PPM1H: variants seen among roughly 807,000 people sequenced by gnomAD.
PPM1H encodes protein phosphatase, Mg2+/Mn2+ dependent 1H.
PPM1H carries 27 observed loss-of-function variants against 54.9 expected under a neutral mutation model. The ratio of observed to expected loss-of-function variants is 0.49; its 90% CI spans 0.36 to 0.68. PPM1H has a LOEUF of 0.68. PPM1H is among the 30% of genes least tolerant of loss of function. PPM1H has a pLI of 0.00. For synonymous variants in PPM1H, 305 were observed against 270.8 expected (o/e 1.13, Z -1.24); for missense variants, 596 against 667.8 (o/e 0.89, Z 1.19).
At chr12:62,859,306 T>TA (rs1260277385) in intron 1 of PPM1H, among the ~76,000 whole-genome samples, 1 of 152,220 alleles carries the variant, frequency 6.6e-6, no homozygotes, top group African/African-American at 2.4e-5. Context: ...AGGTGGATGT[T>TA]ACATTTTCAC....
chr12:62,932,628 C>CTTTTTGTTTTTTTTTTTT (rs1872177445), intron 1 of PPM1H, among the ~76,000 whole-genome samples: 1 of 54,012 alleles, frequency 1.9e-5, no homozygotes, highest in Non-Finnish European at 3.2e-5. Flanking sequence ...TCCAAATGGG[C>CTTTTTGTTTTTTTTTTTT]TTTTTTTTTT....
chr12:62,804,649 T>G (rs1435088536), intron 2 of PPM1H, among the ~76,000 whole-genome samples: 1 of 151,714 alleles, frequency 6.6e-6, no homozygotes, highest in Admixed American at 6.5e-5. Context: ...TTTTTAATGC[T>G]TCATTTTGGT....
intron 6 of PPM1H, among the ~76,000 whole-genome samples, 157 bp from the exon 7 acceptor site, chr12:62,694,156 T>C (rs954904341): frequency 3.3e-5 from 5 of 152,100 alleles, no homozygotes; most frequent in African/African-American, 1.2e-4. Flanking sequence ...CCCTACAGAA[T>C]TGTGTGTGTG....
chr12:62,680,495 C>T (rs1332754455), intron 8 of PPM1H, among the ~76,000 whole-genome samples: 1 of 152,074 alleles, frequency 6.6e-6, no homozygotes, highest in African/African-American at 2.4e-5. Context: ...ATTCTTAAAC[C>T]ACCCACTCTT....
chr12:62,724,178 C>T (rs1057245725), intron 5 of PPM1H, among the ~76,000 whole-genome samples: 2 of 152,206 alleles, frequency 1.3e-5, no homozygotes, highest in African/African-American at 4.8e-5. Flanking sequence ...CCTAAAAATA[C>T]AGTTTGCCCT....
intron 1 of PPM1H, among the ~76,000 whole-genome samples, chr12:62,845,232 T>C (rs1412741473): frequency 6.6e-6 from 1 of 152,204 alleles, no homozygotes; most frequent in Admixed American, 6.5e-5. Context: ...AGCCATGCAA[T>C]GAGTTACCTC....
intron 8 of PPM1H, among the ~76,000 whole-genome samples, chr12:62,688,483 G>A (rs542275130): frequency 1.3e-5 from 2 of 151,752 alleles, no homozygotes; most frequent in East Asian, 1.9e-4. Context: ...TAATACTATC[G>A]GTTAGACTTT....
chr12:62,773,214 C>T (rs1365036484), intron 4 of PPM1H, among the ~76,000 whole-genome samples: 1 of 152,174 alleles, frequency 6.6e-6, no homozygotes, highest in Non-Finnish European at 1.5e-5. Flanking sequence ...GTGGCTTAGG[C>T]CTGTAATTCC....
chr12:62,854,422 C>A (rs566448312), intron 1 of PPM1H, among the ~76,000 whole-genome samples: 1 of 152,208 alleles, frequency 6.6e-6, no homozygotes, highest in Admixed American at 6.5e-5. Context: ...ACAAGCTTTA[C>A]CCTTTTGCCT....
chr12:62,659,324 A>C (rs2075868950), intron 9 of PPM1H: 1 of 465,632 alleles, frequency 2.1e-6, no homozygotes, highest in African/African-American at 2.0e-5. Context: ...ATTCTGGCTC[A>C]TCCATAAAGC....
chr12:62,679,031 G>A (rs928067431), intron 8 of PPM1H, among the ~76,000 whole-genome samples: 2 of 152,120 alleles, frequency 1.3e-5, no homozygotes, highest in Non-Finnish European at 2.9e-5. Flanking sequence ...TCTGTCGCCA[G>A]GCTGGAATGC....
At chr12:62,655,154 T>A (rs186890903) in intron 9 of PPM1H, among the ~76,000 whole-genome samples, 1 of 152,168 alleles carries the variant, frequency 6.6e-6, no homozygotes, top group South Asian at 2.1e-4. Flanking sequence ...ATGAAGTCAC[T>A]CGCAGGAGCT....
At chr12:62,766,732 T>C (rs1362044713) in intron 4 of PPM1H, among the ~76,000 whole-genome samples, 4 of 152,196 alleles carry the variant, frequency 2.6e-5, no homozygotes, top group African/African-American at 9.6e-5. Context: ...CAGCTGTTTC[T>C]TGCAATCTTC....
chr12:62,838,660 G>A (rs1443073059), intron 1 of PPM1H, among the ~76,000 whole-genome samples: 2 of 102,532 alleles, frequency 2.0e-5, no homozygotes, highest in African/African-American at 1.0e-4. Flanking sequence ...GGTGGCTCAC[G>A]CCTGTAATCC....
At chr12:62,692,357 T>C (rs1323119276) in intron 7 of PPM1H, among the ~76,000 whole-genome samples, 1 of 152,236 alleles carries the variant, frequency 6.6e-6, no homozygotes, top group Non-Finnish European at 1.5e-5. Context: ...TTTTGGTGAA[T>C]TGAACTTTAT....
At chr12:62,880,839 A>G (rs1363674659) in intron 1 of PPM1H, among the ~76,000 whole-genome samples, 1 of 152,064 alleles carries the variant, frequency 6.6e-6, no homozygotes, top group Non-Finnish European at 1.5e-5. Context: ...CAGATGATCC[A>G]CCGAGTGGAG....
intron 1 of PPM1H, among the ~76,000 whole-genome samples, chr12:62,845,507 A>G (rs2120912055): frequency 6.6e-6 from 1 of 152,348 alleles, no homozygotes; most frequent in East Asian, 1.9e-4. Context: ...CTGGTAGACC[A>G]TATATGAGGT....
chr12:62,833,172 C>T (rs1365310286), intron 1 of PPM1H, among the ~76,000 whole-genome samples: 2 of 152,142 alleles, frequency 1.3e-5, no homozygotes, highest in Non-Finnish European at 2.9e-5. Flanking sequence ...TCAACAGTGT[C>T]ACAGTCCTGA....
chr12:62,741,903 T>A (rs2076383223), intron 4 of PPM1H, among the ~76,000 whole-genome samples: 1 of 152,102 alleles, frequency 6.6e-6, no homozygotes, highest in African/African-American at 2.4e-5. Context: ...AAGACTTTTC[T>A]TAGTAGCAAT....
Sources: allele counts gnomAD v4.1 joint callset (sites outside exome capture counted in the v4.1 genomes callset), GRCh38; gene constraint gnomAD v4.1.1; transcripts MANE v1.5; gene names NCBI Gene and HGNC (gene_info 2026-07-23, HGNC 2026-07-21).